SYN3: variants seen among roughly 807,000 people sequenced by gnomAD.
SYN3 encodes the protein synapsin III, also known as synapsin-3.
In SYN3, 35 loss-of-function variants were observed where a neutral mutation model predicts 65.8. That is an observed-to-expected ratio of 0.53 (90% CI 0.41 to 0.70). The LOEUF (loss-of-function observed/expected upper bound fraction) is 0.70, where lower values mean the gene tolerates loss of function less well. Ranked by LOEUF, SYN3 falls within the 30% of genes least tolerant of loss-of-function variation. The probability of loss-of-function intolerance (pLI) is 0.00; values close to 1 mark genes in which losing one functional copy is unlikely to be tolerated. For synonymous variants in SYN3, 270 were observed against 292.9 expected (o/e 0.92, Z 0.80); for missense variants, 680 against 749.0 (o/e 0.91, Z 1.08).
intron 6 of SYN3, among the ~76,000 whole-genome samples, chr22:32,854,969 C>T (rs1459727622): frequency 6.6e-6 from 1 of 152,186 alleles, no homozygotes; most frequent in Non-Finnish European, 1.5e-5. Context: ...TGAGAAAACG[C>T]CAGCTCACAG....
At chr22:32,667,305 C>G (rs1294986170) in intron 6 of SYN3, among the ~76,000 whole-genome samples, 3 of 152,044 alleles carry the variant, frequency 2.0e-5, no homozygotes, top group Non-Finnish European at 4.4e-5. Flanking sequence ...CCTCCCTTTT[C>G]CCCTTTCTTT....
At chr22:32,718,175 G>A (rs1395120335) in intron 6 of SYN3, among the ~76,000 whole-genome samples, 1 of 152,142 alleles carries the variant, frequency 6.6e-6, no homozygotes, top group African/African-American at 2.4e-5. Flanking sequence ...CGAGTAGGCA[G>A]TTACTATGGA....
In SYN3 at chr22:32,648,851, G is replaced by T. The variant is rs377015981; in HGVS notation, c.712-52115C>A. 2.7e-4 allele frequency among the ~76,000 whole-genome samples: 41 copies of T among 152,262 alleles called. No individual in the cohort carries two copies. In the South Asian group the frequency reaches 8.5e-3, roughly 32 times the overall value. On this transcript the variant is annotated intron_variant, in intron 6 of 13. Transcript: ENST00000358763. ...CAAGAAGCACCTCTTTTACTCTGAGGTGCCACACAACAGTCATTGGCCACT... is the reference window on the plus strand; with the variant it reads ...CAAGAAGCACCTCTTTTACTCTGAGTTGCCACACAACAGTCATTGGCCACT...
At chr22:32,873,828 T>C (rs2146373563) in intron 4 of SYN3, among the ~76,000 whole-genome samples, 1 of 152,206 alleles carries the variant, frequency 6.6e-6, no homozygotes, top group East Asian at 1.9e-4. Flanking sequence ...AAGACACCTG[T>C]CAACATTAGA....
At chr22:32,723,879 G>A (rs1236767928) in intron 6 of SYN3, among the ~76,000 whole-genome samples, 1 of 152,218 alleles carries the variant, frequency 6.6e-6, no homozygotes, top group Non-Finnish European at 1.5e-5. Flanking sequence ...CACGTGAGGG[G>A]GCCTCAGGAA....
intron 7 of SYN3, among the ~76,000 whole-genome samples, chr22:32,575,279 C>T (rs1344291985): frequency 6.6e-6 from 1 of 152,240 alleles, no homozygotes; most frequent in East Asian, 1.9e-4. Flanking sequence ...GGTTGGACGC[C>T]ACATCTTTGG....
intron 12 of SYN3, among the ~76,000 whole-genome samples, chr22:32,521,799 G>C (rs2057889431): frequency 6.6e-6 from 1 of 152,130 alleles, no homozygotes; most frequent in Non-Finnish European, 1.5e-5. Context: ...ACCCACCGCA[G>C]TTCAAATAAA....
At chr22:32,771,688 A>G (rs1173255901) in intron 6 of SYN3, among the ~76,000 whole-genome samples, 1 of 152,208 alleles carries the variant, frequency 6.6e-6, no homozygotes, top group Non-Finnish European at 1.5e-5. Flanking sequence ...AATACCCTAC[A>G]AAAGATGAAC....
At chr22:32,876,712 T>C (rs5754322) in intron 4 of SYN3, among the ~76,000 whole-genome samples, 26,672 of 152,086 alleles carry the variant, frequency 0.18, 2,571 homozygotes, top group Non-Finnish European at 0.22. Context: ...TGGAAAATGC[T>C]TATGGTACAA....
intron 1 of SYN3, chr22:33,014,892 G>A (rs537891821): frequency 2.6e-4 from 44 of 166,342 alleles, no homozygotes; most frequent in African/African-American, 2.4e-4. Context: ...TGCCGCCGCC[G>A]GGGAGTTTTG....
chr22:33,049,363 C>T (rs574235623), intron 1 of SYN3, among the ~76,000 whole-genome samples: 11 of 152,214 alleles, frequency 7.2e-5, no homozygotes, highest in Non-Finnish European at 2.9e-5. Context: ...TATCTGCTAT[C>T]GGCTTTTCTC....
chr22:32,639,042 C>T (rs1374094310), intron 6 of SYN3, among the ~76,000 whole-genome samples: 8 of 152,134 alleles, frequency 5.3e-5, no homozygotes, highest in African/African-American at 1.9e-4. Context: ...CAAGCTCCGT[C>T]TCCTGGGTTC....
At chr22:32,948,508 G>A (rs533962969) in intron 3 of SYN3, among the ~76,000 whole-genome samples, 12 of 151,930 alleles carry the variant, frequency 7.9e-5, no homozygotes, top group Non-Finnish European at 1.2e-4. Context: ...AGGCCGAGGC[G>A]GGCAGATCAC....
chr22:32,562,133 A>T (rs1431316101), intron 7 of SYN3, among the ~76,000 whole-genome samples: 2 of 152,206 alleles, frequency 1.3e-5, no homozygotes, highest in Non-Finnish European at 2.9e-5. Context: ...CAAAGAGATA[A>T]CATCCCCCCC....
intron 6 of SYN3, among the ~76,000 whole-genome samples, chr22:32,831,336 G>A (rs1226216367): frequency 6.6e-6 from 1 of 152,224 alleles, no homozygotes; most frequent in Non-Finnish European, 1.5e-5. Context: ...ACCCAGAGAA[G>A]AGGTGAATTG....
At chr22:32,545,565 CTCTT>C (rs1460924440) in intron 7 of SYN3, among the ~76,000 whole-genome samples, 3 of 152,060 alleles carry the variant, frequency 2.0e-5, no homozygotes, top group Non-Finnish European at 2.9e-5. Context: ...CTCTCTCTCT[CTCTT>C]TTTTTTTGAG....
chr22:32,929,841 T>C (rs1176848266), intron 4 of SYN3, among the ~76,000 whole-genome samples: 1 of 152,226 alleles, frequency 6.6e-6, no homozygotes, highest in Non-Finnish European at 1.5e-5. Context: ...CAAATTTGGC[T>C]GATCTAGTGA....
At chr22:32,539,511 C>T (rs199864614) in intron 8 of SYN3, among the ~76,000 whole-genome samples, 15 of 63,382 alleles carry the variant, frequency 2.4e-4, no homozygotes, top group African/African-American at 6.4e-4. Context: ...TGTGTATACA[C>T]GGGTAAGGAT....
chr22:32,926,407 T>C (rs996614422), intron 4 of SYN3, among the ~76,000 whole-genome samples: 6 of 152,366 alleles, frequency 3.9e-5, no homozygotes, highest in Admixed American at 3.3e-4. Context: ...GTTTTGTCCA[T>C]TTTTGAAGTA....
Sources: gnomAD v4.1 joint callset for allele counts (sites outside exome capture counted in the v4.1 genomes callset) on GRCh38, gnomAD v4.1.1 for gene constraint, MANE v1.5 for transcripts, NCBI Gene and HGNC (gene_info 2026-07-23, HGNC 2026-07-21) for gene names.